STPG2: variants seen among roughly 807,000 people sequenced by gnomAD.
STPG2 encodes the protein sperm-tail PG-rich repeat-containing protein 2.
In STPG2, 56 loss-of-function variants were observed where a neutral mutation model predicts 54.2. The observed-to-expected ratio is 1.03, with a 90% CI of 0.83 to 1.29. STPG2 has a LOEUF of 1.29. Ranked by LOEUF, STPG2 falls within the 50% of genes most tolerant of loss-of-function variation. The probability of loss-of-function intolerance (pLI) is 0.00; values close to 1 mark genes in which losing one functional copy is unlikely to be tolerated. For synonymous variants in STPG2, 200 were observed against 181.8 expected, an observed-to-expected ratio of 1.10 and a Z score of -0.81; for missense variants, 596 against 544.9, an observed-to-expected ratio of 1.09 and a Z score of -0.93.
At chr4:97,678,198 A>C (rs1035184714) in intron 10 of STPG2, among the ~76,000 whole-genome samples, 4 of 152,160 alleles carry the variant, frequency 2.6e-5, no homozygotes, top group Non-Finnish European at 5.9e-5. Context: ...ATTTACACTT[A>C]CAGGGTTTTT....
chr4:97,450,591 G>C (rs1729340848), intron 4 of STPG2, among the ~76,000 whole-genome samples: 1 of 151,920 alleles, frequency 6.6e-6, no homozygotes, highest in South Asian at 2.1e-4. Flanking sequence ...AGGGTCAGGG[G>C]AGGCACTCCA....
chr4:98,118,731 G>C (rs1739590886), intron 3 of STPG2, among the ~76,000 whole-genome samples: 1 of 152,082 alleles, frequency 6.6e-6, no homozygotes, highest in African/African-American at 2.4e-5. Flanking sequence ...GCAAGCAAAT[G>C]AATAAAATGA....
intron 9 of STPG2, among the ~76,000 whole-genome samples, chr4:97,823,318 A>G (rs999885569): frequency 1.3e-5 from 2 of 152,232 alleles, no homozygotes; most frequent in South Asian, 2.1e-4. Context: ...GGTTGAAGTC[A>G]ATGCTCATTT....
chr4:97,833,042 G>A (rs867525047), intron 9 of STPG2, among the ~76,000 whole-genome samples: 75 of 152,028 alleles, frequency 4.9e-4, no homozygotes, highest in African/African-American at 9.2e-4. Context: ...AAAGGAGCCC[G>A]CATTGCCAAG....
At chr4:97,875,950 G>A (rs1490994351) in intron 8 of STPG2, among the ~76,000 whole-genome samples, 1 of 151,856 alleles carries the variant, frequency 6.6e-6, no homozygotes, top group Non-Finnish European at 1.5e-5. Context: ...CCAACAACAG[G>A]CACTTTGAGA....
At chr4:97,999,936 A>G (rs978754277) in intron 5 of STPG2, among the ~76,000 whole-genome samples, 1 of 152,226 alleles carries the variant, frequency 6.6e-6, no homozygotes, top group Non-Finnish European at 1.5e-5. Flanking sequence ...TGTGGTGTCC[A>G]GAGAATTTCT....
intron 8 of STPG2, among the ~76,000 whole-genome samples, chr4:97,886,870 T>C (rs1433212140): frequency 1.3e-5 from 2 of 152,168 alleles, no homozygotes; most frequent in Non-Finnish European, 2.9e-5. Context: ...CTCAGTGCTG[T>C]TCTGGTGATA....
At chr4:97,896,534 T>C (rs904633532) in intron 8 of STPG2, among the ~76,000 whole-genome samples, 8 of 151,712 alleles carry the variant, frequency 5.3e-5, no homozygotes, top group African/African-American at 1.9e-4. Flanking sequence ...GTGAGAGATA[T>C]GGCTAAAAAA....
intron 5 of STPG2, among the ~76,000 whole-genome samples, chr4:98,030,649 G>A (rs538214866): frequency 6.6e-6 from 1 of 152,218 alleles, no homozygotes; most frequent in African/African-American, 2.4e-5. Flanking sequence ...CAGGCCTACA[G>A]TAACCAAAAC....
At chr4:97,478,018 G>A (rs1034326101) in intron 4 of STPG2, among the ~76,000 whole-genome samples, 42 of 152,106 alleles carry the variant, frequency 2.8e-4, no homozygotes, top group African/African-American at 9.4e-4. Context: ...TTAAGCTATC[G>A]CATAAGTAAT....
chr4:97,923,580 C>T (rs1026840811), intron 8 of STPG2, among the ~76,000 whole-genome samples: 3 of 152,198 alleles, frequency 2.0e-5, no homozygotes, highest in African/African-American at 4.8e-5. Context: ...TTTGTAAATG[C>T]ATCAATCAGC....
At chr4:98,031,556 C>T (rs1014988443) in intron 5 of STPG2, among the ~76,000 whole-genome samples, 3 of 151,824 alleles carry the variant, frequency 2.0e-5, no homozygotes, top group African/African-American at 4.8e-5. Context: ...CCTGTAGTCC[C>T]AGCCTATAGT....
intron 3 of STPG2, among the ~76,000 whole-genome samples, chr4:98,115,643 C>A (rs1169783936): frequency 6.6e-6 from 1 of 151,832 alleles, no homozygotes; most frequent in Non-Finnish European, 1.5e-5. Context: ...TCAATATGCA[C>A]CTCTGGAAAC....
intron 8 of STPG2, among the ~76,000 whole-genome samples, chr4:97,874,819 T>A (rs1387642644): frequency 1.3e-5 from 2 of 151,634 alleles, no homozygotes; most frequent in Non-Finnish European, 1.5e-5. Context: ...GTGGAGCCCA[T>A]ATGTTGTGAC....
intron 10 of STPG2, among the ~76,000 whole-genome samples, chr4:97,561,294 G>A (rs1256547534): frequency 1.3e-5 from 2 of 151,986 alleles, no homozygotes; most frequent in Non-Finnish European, 2.9e-5. Context: ...TTTTTGATGG[G>A]GTTGTTTTTT....
intron 10 of STPG2, among the ~76,000 whole-genome samples, chr4:97,701,592 G>A (rs570077533): frequency 2.7e-4 from 41 of 152,304 alleles, no homozygotes; most frequent in African/African-American, 9.4e-4. Context: ...TTCTGGATCT[G>A]TAAACCTGCT....
Position 98,018,989 on chromosome 4 carries a change from G to GTT in STPG2, c.613-37673_613-37672dup, listed in dbSNP as rs545856884. Among the ~76,000 whole-genome samples the GTT allele has an allele frequency of 4.2e-3, 634 of 151,858 alleles. 3 individuals carry two copies. The highest frequency in any genetic ancestry group is 0.024 in the South Asian group (116 of 4,802). Reference sequence around the variant, plus strand: ...AGGTTGCCTGTTCACTCTGATGGTAGTTTCTTTTGCTGTGCAGAAGCTCTT... The same window carrying GTT: ...AGGTTGCCTGTTCACTCTGATGGTAGTTTTTCTTTTGCTGTGCAGAAGCTCTT... On this transcript the variant is annotated intron_variant, in intron 5 of 10. Coordinates refer to ENST00000295268, the MANE Select transcript of STPG2 (RefSeq NM_174952.3).
chr4:97,749,761 T>C (rs1443956750), intron 9 of STPG2, among the ~76,000 whole-genome samples: 2 of 151,820 alleles, frequency 1.3e-5, no homozygotes, highest in Non-Finnish European at 2.9e-5. Flanking sequence ...TATTTTGTAG[T>C]GTCTATCTGA....
chr4:97,527,479 ATAG>A lies in STPG2; in HGVS notation c.462+185217_462+185219del, dbSNP rs762958853. Among the ~76,000 whole-genome samples, 11 of 152,252 alleles carry A rather than the reference ATAG, an allele frequency of 7.2e-5. No individual in the cohort carries two copies. The South Asian group carries it at 2.1e-3, about 29-fold the overall frequency. On this transcript the variant is annotated intron_variant, in intron 4 of 4. Coordinates refer to the STPG2 transcript ENST00000522676. ...TAAACATACACGTGCATGTATCTTC[ATAG>A]TAGAATGATATATCCTTTGATTATA...
Sources: allele counts gnomAD v4.1 joint callset (sites outside exome capture counted in the v4.1 genomes callset), GRCh38; gene constraint gnomAD v4.1.1; transcripts MANE v1.5; gene names NCBI Gene and HGNC (gene_info 2026-07-23, HGNC 2026-07-21).